ROBO1: variants seen among roughly 807,000 people sequenced by gnomAD.
ROBO1 encodes roundabout homolog 1.
ROBO1 carries 149 observed loss-of-function variants against 195.9 expected under a neutral mutation model. That is an observed-to-expected ratio of 0.76 (90% CI 0.67 to 0.87). The LOEUF is 0.87. Ranked by LOEUF, ROBO1 falls within the 40% of genes least tolerant of loss-of-function variation. The probability of loss-of-function intolerance (pLI) is 0.00; values close to 1 mark genes in which losing one functional copy is unlikely to be tolerated. For synonymous variants in ROBO1, 816 were observed against 733.2 expected (o/e 1.11, Z -1.82); for missense variants, 1,933 against 2,068.3 (o/e 0.93, Z 1.27).
intron 2 of ROBO1, among the ~76,000 whole-genome samples, chr3:79,214,827 T>TATATATA (rs3057982): frequency 2.9e-4 from 34 of 116,008 alleles, no homozygotes; most frequent in Admixed American, 2.3e-3. Flanking sequence ...TATATATATA[T>TATATATA]TTTTTTTTTT....
intron 25 of ROBO1, among the ~76,000 whole-genome samples, chr3:78,630,454 A>G (rs1052924653): frequency 6.6e-6 from 1 of 152,150 alleles, no homozygotes; most frequent in Non-Finnish European, 1.5e-5. Flanking sequence ...GTGTGTGGAG[A>G]ATGAAGGAAT....
At chr3:79,575,378 A>G (rs1206496001) in intron 2 of ROBO1, among the ~76,000 whole-genome samples, 3 of 129,788 alleles carry the variant, frequency 2.3e-5, no homozygotes, top group Non-Finnish European at 4.7e-5. Context: ...AAATATATAT[A>G]AATATAGATA....
At chr3:78,916,271 T>G (rs2038577947) in intron 4 of ROBO1, among the ~76,000 whole-genome samples, 1 of 129,640 alleles carries the variant, frequency 7.7e-6, no homozygotes, top group South Asian at 2.4e-4. Flanking sequence ...AACAACTTTA[T>G]TCTTTTTCTA....
chr3:79,680,701 T>C (rs1214908058), intron 1 of ROBO1, among the ~76,000 whole-genome samples: 5 of 152,114 alleles, frequency 3.3e-5, no homozygotes, highest in Non-Finnish European at 7.4e-5. Context: ...CAAGAGAGTG[T>C]GTCTAAGGAA....
rs112493547 is a variant in ROBO1 at position 79,329,800 on chromosome 3, T to C, written c.89-204261A>G. Reference sequence around the variant, plus strand: ...AATCTCAAGCAACGTATTAATACTTTACCTGTAATATTTTATTTAATGGAC... The same window carrying C: ...AATCTCAAGCAACGTATTAATACTTCACCTGTAATATTTTATTTAATGGAC... On this transcript the variant is annotated intron_variant, in intron 2 of 30. Coordinates refer to ENST00000464233, the MANE Select transcript of ROBO1 (RefSeq NM_002941.4). 8.1e-4 allele frequency among the ~76,000 whole-genome samples: 124 copies of C among 152,308 alleles called. 1 individual carries two copies. Among genetic ancestry groups the C allele is most frequent in the African/African-American group, 2.9e-3 (120 of 41,578 alleles).
At chr3:78,734,930 T>C (rs983966617) in intron 5 of ROBO1, among the ~76,000 whole-genome samples, 1 of 152,144 alleles carries the variant, frequency 6.6e-6, no homozygotes, top group Non-Finnish European at 1.5e-5. Context: ...CGTAAAGATA[T>C]AAGCACTTTA....
At chr3:79,451,915 G>GA (rs537140085) in intron 2 of ROBO1, among the ~76,000 whole-genome samples, 32 of 146,778 alleles carry the variant, frequency 2.2e-4, no homozygotes, top group East Asian at 6.0e-4. Flanking sequence ...GGTCCGTCCA[G>GA]AAAAAAAAAA....
chr3:79,708,757 T>C (rs1220136486), intron 1 of ROBO1, among the ~76,000 whole-genome samples: 1 of 152,110 alleles, frequency 6.6e-6, no homozygotes, highest in African/African-American at 2.4e-5. Flanking sequence ...GTCTTAACTA[T>C]TCAGGAGGCT....
At chr3:79,058,336 T>C (rs910111810) in intron 3 of ROBO1, among the ~76,000 whole-genome samples, 1 of 152,080 alleles carries the variant, frequency 6.6e-6, no homozygotes, top group Non-Finnish European at 1.5e-5. Context: ...ATCATCATTC[T>C]ACTTTGCATA....
chr3:79,271,523 G>A (rs1449014143), intron 2 of ROBO1, among the ~76,000 whole-genome samples: 1 of 151,880 alleles, frequency 6.6e-6, no homozygotes, highest in Non-Finnish European at 1.5e-5. Context: ...ACGAAAAGAA[G>A]GTATTCTAGG....
chr3:79,479,519 A>G (rs1188952349), intron 2 of ROBO1, among the ~76,000 whole-genome samples: 1 of 152,176 alleles, frequency 6.6e-6, no homozygotes, highest in Non-Finnish European at 1.5e-5. Context: ...CAAGGGTTGG[A>G]GAACCCTGAT....
In ROBO1 at chr3:78,982,913, C is replaced by CT. The variant is rs540985930; in HGVS notation, c.173-43987dup. Reference sequence around the variant, plus strand: ...GGATTACAGGTGTGAGACACCACATCTTTTTTTTTTATTTTTTTGAGACAA... The same window carrying CT: ...GGATTACAGGTGTGAGACACCACATCTTTTTTTTTTTATTTTTTTGAGACAA... On this transcript the variant is annotated intron_variant, in intron 3 of 30. Coordinates refer to ENST00000464233, the MANE Select transcript of ROBO1 (RefSeq NM_002941.4). Among the ~76,000 whole-genome samples, 134 of 149,430 alleles carry CT rather than the reference C, an allele frequency of 9.0e-4. 2 individuals are homozygous for CT. The highest frequency in any genetic ancestry group is 8.8e-3 in the East Asian group (45 of 5,102).
At chr3:79,112,572 T>G (rs2079906570) in intron 3 of ROBO1, among the ~76,000 whole-genome samples, 1 of 152,120 alleles carries the variant, frequency 6.6e-6, no homozygotes, top group Non-Finnish European at 1.5e-5. Context: ...ATACCTGTGA[T>G]TTACCAAGGT....
Position 78,788,938 on chromosome 3 carries a change from G to GAGTC in ROBO1, c.500-42042_500-42039dup, listed in dbSNP as rs1435970607. ...AGTTGGATGATACCATAACTAGTTG[G>GAGTC]AGTCAGGAGTGTAGAAAATTACCCC... On this transcript the variant is annotated intron_variant, in intron 4 of 30. Transcript: ENST00000464233. 2.0e-5 allele frequency among the ~76,000 whole-genome samples: 3 copies of GAGTC among 152,234 alleles called. No homozygotes were observed. The East Asian group carries it at 5.8e-4, about 29-fold the overall frequency.
At chr3:78,822,178 T>G (rs2031063372) in intron 4 of ROBO1, among the ~76,000 whole-genome samples, 2 of 151,972 alleles carry the variant, frequency 1.3e-5, no homozygotes, top group Admixed American at 1.3e-4. Flanking sequence ...GGAACCTATA[T>G]GCACAGTACA....
intron 4 of ROBO1, among the ~76,000 whole-genome samples, chr3:78,765,999 T>G (rs1450594280): frequency 1.3e-5 from 2 of 152,196 alleles, no homozygotes; most frequent in African/African-American, 2.4e-5. Context: ...TTTATTTACA[T>G]TCATAACTCA....
chr3:79,370,459 A>G (rs975652993), intron 2 of ROBO1, among the ~76,000 whole-genome samples: 1 of 152,010 alleles, frequency 6.6e-6, no homozygotes, highest in African/African-American at 2.4e-5. Context: ...GGGTAAGACA[A>G]TTATTATACA....
chr3:79,188,781 T>C (rs1460382610), intron 2 of ROBO1, among the ~76,000 whole-genome samples: 1 of 151,826 alleles, frequency 6.6e-6, no homozygotes, highest in African/African-American at 2.4e-5. Flanking sequence ...ACCAGCAGCG[T>C]CCATAGTGGT....
chr3:79,711,353 A>G (rs190083352), intron 1 of ROBO1, among the ~76,000 whole-genome samples: 520 of 152,328 alleles, frequency 3.4e-3, no homozygotes, highest in African/African-American at 0.01. Context: ...GTAAGTTATA[A>G]GAAAATCACT....
Sources: gnomAD v4.1 joint callset for allele counts (sites outside exome capture counted in the v4.1 genomes callset) on GRCh38, gnomAD v4.1.1 for gene constraint, MANE v1.5 for transcripts, NCBI Gene and HGNC (gene_info 2026-07-23, HGNC 2026-07-21) for gene names.